The following MED12L variants were observed in gnomAD, a reference collection of about 807,000 sequenced individuals.
The protein encoded by MED12L is mediator of RNA polymerase II transcription subunit 12-like protein.
Under a neutral mutation model 281.3 loss-of-function variants are expected in MED12L, and 60 were observed. The ratio of observed to expected loss-of-function variants is 0.21; its 90% CI spans 0.17 to 0.26. MED12L has a LOEUF of 0.26. MED12L is among the 10% of genes least tolerant of loss of function. The pLI is 1.00. For missense variants in MED12L, 2,146 were observed against 2,680.9 expected (o/e 0.80, Z 4.41); for synonymous variants, 974 against 987.2 (o/e 0.99, Z 0.25).
chr3:151,290,946 G>A (rs942839301), intron 16 of MED12L, among the ~76,000 whole-genome samples: 4 of 152,114 alleles, frequency 2.6e-5, no homozygotes, highest in African/African-American at 9.7e-5. Context: ...GTTGAAAATC[G>A]AAAATGTTTG....
intron 35 of MED12L, 151 bp from the exon 36 acceptor site, chr3:151,384,879 C>T (rs1015776456): frequency 1.5e-5 from 9 of 608,586 alleles, no homozygotes; most frequent in Middle Eastern, 3.4e-4. Flanking sequence ...CTATTTGGAA[C>T]TGCCTTGTAG....
chr3:151,301,711 A>G (rs951679752), intron 16 of MED12L, among the ~76,000 whole-genome samples: 43 of 152,354 alleles, frequency 2.8e-4, no homozygotes, highest in Admixed American at 2.6e-4. Context: ...ACCATCTTGC[A>G]TCTACCAGAA....
At chr3:151,190,987 C>A in intron 14 of MED12L, 56 bp downstream of exon 14, 1 of 1,504,764 alleles carries the variant, frequency 6.6e-7, no homozygotes, top group Non-Finnish European at 9.2e-7. Flanking sequence ...TACTGGGAAC[C>A]ATGTTCAAAT....
At chr3:151,135,265 C>T (rs962883206) in intron 5 of MED12L, among the ~76,000 whole-genome samples, 1 of 152,248 alleles carries the variant, frequency 6.6e-6, no homozygotes, top group African/African-American at 2.4e-5. Flanking sequence ...GATCTGCCCA[C>T]CTTGGCCTCC....
chr3:151,370,296 G>C (rs1756015568), intron 26 of MED12L, among the ~76,000 whole-genome samples: 1 of 151,950 alleles, frequency 6.6e-6, no homozygotes, highest in African/African-American at 2.4e-5. Flanking sequence ...ACCTTCTTTT[G>C]GTCTTGACTC....
At chr3:151,354,173 G>GTGC (rs1487426325) in intron 17 of MED12L, among the ~76,000 whole-genome samples, 1 of 138,712 alleles carries the variant, frequency 7.2e-6, no homozygotes, top group Admixed American at 7.3e-5. Flanking sequence ...AAGAATCACA[G>GTGC]TGCTAGAAAT....
intron 11 of MED12L, among the ~76,000 whole-genome samples, chr3:151,182,477 C>T (rs1293724255): frequency 1.3e-5 from 2 of 152,138 alleles, no homozygotes; most frequent in Non-Finnish European, 2.9e-5. Flanking sequence ...AATAGCATGA[C>T]GTTTGCAAGG....
chr3:151,211,806 C>A (rs1727214134), intron 16 of MED12L, among the ~76,000 whole-genome samples: 1 of 152,128 alleles, frequency 6.6e-6, no homozygotes, highest in Non-Finnish European at 1.5e-5. Flanking sequence ...TGCCACGACG[C>A]CTGGCTAATT....
intron 5 of MED12L, among the ~76,000 whole-genome samples, chr3:151,129,715 T>TTGTGTGTGTGTGTG: frequency 6.8e-6 from 1 of 147,546 alleles, no homozygotes; most frequent in Non-Finnish European, 1.5e-5. Context: ...ATATCTACAT[T>TTGTGTGTGTGTGTG]TGTGTGTGTG....
chr3:151,372,384 A>G (rs529323789), intron 26 of MED12L, among the ~76,000 whole-genome samples, 183 bp from the exon 27 acceptor site: 46 of 152,274 alleles, frequency 3.0e-4, no homozygotes, highest in African/African-American at 1.1e-3. Flanking sequence ...TTTCTGTTAG[A>G]AACTTCTCTG....
chr3:151,387,780 G>T, intron 36 of MED12L, 30 bp from the exon 37 acceptor site: 1 of 1,571,416 alleles, frequency 6.4e-7, no homozygotes, highest in Non-Finnish European at 8.6e-7. Flanking sequence ...AGATCTGAGT[G>T]TGCTATCTTA....
At chr3:151,277,337 A>C (rs1050991039) in intron 16 of MED12L, among the ~76,000 whole-genome samples, 4 of 152,138 alleles carry the variant, frequency 2.6e-5, no homozygotes, top group Non-Finnish European at 5.9e-5. Flanking sequence ...TATAAAATTC[A>C]TTGCATGTTT....
At chr3:151,088,008 A>G (rs1719510805) in intron 2 of MED12L, among the ~76,000 whole-genome samples, 1 of 152,090 alleles carries the variant, frequency 6.6e-6, no homozygotes, top group African/African-American at 2.4e-5. Context: ...TACCTTTCTG[A>G]GAATCTAAAA....
chr3:151,329,186 G>A (rs937256742), intron 16 of MED12L, among the ~76,000 whole-genome samples: 1 of 152,138 alleles, frequency 6.6e-6, no homozygotes, highest in African/African-American at 2.4e-5. Context: ...AATTTTTAAA[G>A]CATATAATAC....
chr3:151,312,445 G>T (rs1485925056), intron 16 of MED12L, among the ~76,000 whole-genome samples: 1 of 152,098 alleles, frequency 6.6e-6, no homozygotes, highest in Non-Finnish European at 1.5e-5. Context: ...TGCCCTTTTG[G>T]TATACTGGCC....
chr3:151,285,094 A>G (rs1202456390), intron 16 of MED12L, among the ~76,000 whole-genome samples: 1 of 152,256 alleles, frequency 6.6e-6, no homozygotes, highest in Non-Finnish European at 1.5e-5. Flanking sequence ...GTTAGAGATC[A>G]TTATTCTTAA....
At chr3:151,174,299 C>T (rs897863475) in intron 11 of MED12L, among the ~76,000 whole-genome samples, 1 of 152,174 alleles carries the variant, frequency 6.6e-6, no homozygotes. Context: ...GGATCAGCCC[C>T]TGTATGACTT....
chr3:151,274,511 A>G lies in MED12L; in HGVS notation c.2251-75548A>G, dbSNP rs969500972. Among the ~76,000 whole-genome samples the G allele has an allele frequency of 1.6e-4, 25 of 152,362 alleles. 1 individual carries two copies. Among genetic ancestry groups the G allele is most frequent in the Non-Finnish European group, 3.7e-4 (25 of 68,038 alleles). The stretch of plus-strand genomic sequence containing the variant: ...AGTTTTGGGGGCCAGGAGAGAAAGA[A>G]CATTCAACACTAAAGGCCACCTCCT... On this transcript the variant is annotated intron_variant, in intron 16 of 44. Coordinates refer to ENST00000687756, the MANE Select transcript of MED12L (RefSeq NM_001393769.1).
At chr3:151,118,531 G>A (rs894744018) in intron 3 of MED12L, among the ~76,000 whole-genome samples, 1 of 151,868 alleles carries the variant, frequency 6.6e-6, no homozygotes, top group African/African-American at 2.4e-5. Context: ...TTAAAATTAT[G>A]ATAAAACATA....
Sources: allele counts gnomAD v4.1 joint callset (sites outside exome capture counted in the v4.1 genomes callset), GRCh38; gene constraint gnomAD v4.1.1; transcripts MANE v1.5; gene names NCBI Gene and HGNC (gene_info 2026-07-23, HGNC 2026-07-21).